The following RAPGEF4 variants were observed in gnomAD, a reference collection of about 807,000 sequenced individuals.
The protein encoded by RAPGEF4 is Rap guanine nucleotide exchange factor 4.
RAPGEF4 carries 66 observed loss-of-function variants against 147.9 expected under a neutral mutation model. The ratio of observed to expected loss-of-function variants is 0.45; its 90% CI spans 0.37 to 0.55. RAPGEF4 has a LOEUF of 0.55. Ranked by LOEUF, RAPGEF4 falls within the 20% of genes least tolerant of loss-of-function variation. The pLI, the probability that RAPGEF4 is intolerant of heterozygous loss-of-function variation, is 0.00. For missense variants in RAPGEF4, 1,071 were observed against 1,257.3 expected (o/e 0.85, Z 2.24); for synonymous variants, 419 against 442.7 (o/e 0.95, Z 0.67).
chr2:172,768,582 G>A (rs189704651), intron 1 of RAPGEF4, among the ~76,000 whole-genome samples: 1 of 151,986 alleles, frequency 6.6e-6, no homozygotes, highest in African/African-American at 2.4e-5. Context: ...GTACTCAGGC[G>A]GAAGAGTGCC....
rs1487278577 is a variant in RAPGEF4 at position 172,802,084 on chromosome 2, T to C, written c.297+4471T>C. Among the ~76,000 whole-genome samples, 3 of 152,030 alleles carry C rather than the reference T, an allele frequency of 2.0e-5. No homozygotes were observed. In the East Asian group the frequency reaches 5.8e-4, roughly 29 times the overall value. On this transcript the variant is annotated intron_variant, in intron 3 of 30. Transcript: ENST00000397081. ...ACAAAATGGTTAGAACTGACGGTGA[T>C]GGGATGTGGAGGTGTAGAGAGAAAG...
At chr2:172,957,895 A>C (rs567224712) in intron 6 of RAPGEF4, among the ~76,000 whole-genome samples, 9 of 152,382 alleles carry the variant, frequency 5.9e-5, no homozygotes, top group Middle Eastern at 3.4e-3. Flanking sequence ...TTGCTTTAGT[A>C]ACACTTTCTT....
intron 4 of RAPGEF4, among the ~76,000 whole-genome samples, chr2:172,878,126 T>C (rs990469785): frequency 6.6e-6 from 1 of 152,242 alleles, no homozygotes; most frequent in Non-Finnish European, 1.5e-5. Flanking sequence ...TACACCCACC[T>C]GGTGTGAAAA....
At chr2:172,988,029 A>C (rs1198510148) in intron 12 of RAPGEF4, among the ~76,000 whole-genome samples, 167 bp from the exon 13 acceptor site, 2 of 152,244 alleles carry the variant, frequency 1.3e-5, no homozygotes, top group Non-Finnish European at 2.9e-5. Context: ...TATTCTATAG[A>C]AAAGGAGATA....
intron 4 of RAPGEF4, among the ~76,000 whole-genome samples, chr2:172,888,494 G>A (rs1697505269): frequency 6.6e-6 from 1 of 152,136 alleles, no homozygotes; most frequent in African/African-American, 2.4e-5. Context: ...ATTATTTGTT[G>A]GTGGACCAAC....
chr2:172,897,999 CACA>C (rs2149942628), intron 4 of RAPGEF4, among the ~76,000 whole-genome samples: 1 of 152,240 alleles, frequency 6.6e-6, no homozygotes, highest in African/African-American at 2.4e-5. Flanking sequence ...TGTGTAATTT[CACA>C]ACATCACTGG....
At chr2:172,890,213 G>A (rs1412327151) in intron 4 of RAPGEF4, among the ~76,000 whole-genome samples, 1 of 152,242 alleles carries the variant, frequency 6.6e-6, no homozygotes, top group Non-Finnish European at 1.5e-5. Flanking sequence ...CATTTGTAGT[G>A]GCTCTATTTA....
chr2:172,967,249 T>C lies in RAPGEF4; in HGVS notation c.821-12T>C. On this transcript the variant is annotated splice_polypyrimidine_tract_variant and intron_variant, in intron 9 of 30. Transcript: ENST00000397081. ...GTGCTGCAGCTGACACGTGCTTCCA[T>C]GTTTCCCATAGTGGACCAGGAGCAC... 6.2e-7 allele frequency: 1 copy of C among 1,608,690 alleles called. No individual in the cohort carries two copies. The highest frequency in any genetic ancestry group is 8.5e-7 in the Non-Finnish European group (1 of 1,177,416).
chr2:172,826,175 A>G (rs2194716), intron 4 of RAPGEF4, among the ~76,000 whole-genome samples: 150,773 of 152,316 alleles, frequency 0.99, 74,645 homozygotes, highest in East Asian at 1. Context: ...ATGCCCTCCC[A>G]CAAACATGCT....
rs71018521 is a variant in RAPGEF4 at position 172,831,266 on chromosome 2, C to CTTTTTTTTTTTTTTTTTT, written c.444+16843_444+16860dup. 3.4e-3 allele frequency among the ~76,000 whole-genome samples: 182 copies of CTTTTTTTTTTTTTTTTTT among 53,884 alleles called. 50 individuals are homozygous for CTTTTTTTTTTTTTTTTTT. Among genetic ancestry groups the CTTTTTTTTTTTTTTTTTT allele is most frequent in the East Asian group, 0.014 (22 of 1,610 alleles). 35.3% of individuals were successfully genotyped at this position (53,884 alleles called of 152,430 possible). A position where few individuals can be genotyped will look rare whatever the true frequency, so the allele number is the denominator to read the frequency against. Reference sequence around the variant, plus strand: ...AAATGTGACTGTTTCAGATAGAAAACTTTTTTTTTTTTTTTTTTTGAGACA... The same window carrying CTTTTTTTTTTTTTTTTTT: ...AAATGTGACTGTTTCAGATAGAAAACTTTTTTTTTTTTTTTTTTTTTTTTTTTTTTTTTTTTTGAGACA... On this transcript the variant is annotated intron_variant, in intron 4 of 30. Coordinates refer to ENST00000397081, the MANE Select transcript of RAPGEF4 (RefSeq NM_007023.4).
chr2:172,924,354 A>G (rs754970255), intron 6 of RAPGEF4, among the ~76,000 whole-genome samples: 6 of 152,252 alleles, frequency 3.9e-5, no homozygotes, highest in Non-Finnish European at 7.3e-5. Flanking sequence ...GTGACAAAAT[A>G]GGAATTTAAA....
intron 30 of RAPGEF4, among the ~76,000 whole-genome samples, chr2:173,049,985 G>T (rs1685990652): frequency 6.6e-6 from 1 of 152,058 alleles, no homozygotes; most frequent in Non-Finnish European, 1.5e-5. Context: ...TGCCTGAGGG[G>T]GTTTATAGCC....
At chr2:172,876,982 A>G (rs888328426) in intron 4 of RAPGEF4, among the ~76,000 whole-genome samples, 3 of 152,138 alleles carry the variant, frequency 2.0e-5, no homozygotes, top group Admixed American at 6.5e-5. Context: ...GGGAGGGTGT[A>G]GGTGTCGAGG....
At chr2:172,841,115 A>G (rs1691538214) in intron 4 of RAPGEF4, among the ~76,000 whole-genome samples, 1 of 152,164 alleles carries the variant, frequency 6.6e-6, no homozygotes, top group Non-Finnish European at 1.5e-5. Context: ...ACAAAGTCTC[A>G]TGTTGGAATT....
chr2:172,941,180 G>A (rs1039813676), intron 6 of RAPGEF4, among the ~76,000 whole-genome samples: 7 of 152,096 alleles, frequency 4.6e-5, no homozygotes, highest in Non-Finnish European at 8.8e-5. Flanking sequence ...CTCCCAATCT[G>A]TGTGCTTTTT....
rs148006738 is a variant in RAPGEF4 at position 172,912,089 on chromosome 2, A to G, written c.445-5713A>G. Among the ~76,000 whole-genome samples the G allele has an allele frequency of 4.7e-3, 718 of 152,158 alleles. 4 individuals carry two copies. The highest frequency in any genetic ancestry group is 0.016 in the African/African-American group (671 of 41,536). ...GTCTGATTCTGCCTTCTGGGTTTTTAGTTCTACCTTCTGAATCATGTTCTC... is the reference window on the plus strand; with the variant it reads ...GTCTGATTCTGCCTTCTGGGTTTTTGGTTCTACCTTCTGAATCATGTTCTC... On this transcript the variant is annotated intron_variant, in intron 4 of 30. Coordinates refer to ENST00000397081, the MANE Select transcript of RAPGEF4 (RefSeq NM_007023.4).
chr2:173,038,566 A>G (rs1017456633), intron 29 of RAPGEF4, among the ~76,000 whole-genome samples: 2 of 152,204 alleles, frequency 1.3e-5, no homozygotes, highest in Non-Finnish European at 1.5e-5. Flanking sequence ...GGAGGGGAAC[A>G]TCACACACCA....
At chr2:172,827,717 C>T (rs192592317) in intron 4 of RAPGEF4, among the ~76,000 whole-genome samples, 32 of 152,246 alleles carry the variant, frequency 2.1e-4, no homozygotes, top group African/African-American at 7.2e-4. Flanking sequence ...TCAAAATAAC[C>T]GTACCATAAA....
intron 4 of RAPGEF4, among the ~76,000 whole-genome samples, chr2:172,818,874 G>A (rs557305693): frequency 2.0e-5 from 3 of 152,192 alleles, no homozygotes; most frequent in Admixed American, 6.5e-5. Context: ...AGAACCACAC[G>A]TAAGGTTTTG....
Sources: gnomAD v4.1 joint callset for allele counts (sites outside exome capture counted in the v4.1 genomes callset) on GRCh38, gnomAD v4.1.1 for gene constraint, MANE v1.5 for transcripts, NCBI Gene and HGNC (gene_info 2026-07-23, HGNC 2026-07-21) for gene names.